C12orf42: variants seen among roughly 807,000 people sequenced by gnomAD.
C12orf42 encodes the protein chromosome 12 open reading frame 42.
C12orf42 carries 25 observed loss-of-function variants against 21.6 expected under a neutral mutation model. That is an observed-to-expected ratio of 1.16 (90% CI 0.84 to 1.62). The LOEUF (loss-of-function observed/expected upper bound fraction) is 1.62, where lower values mean the gene tolerates loss of function less well. Among genes scored for constraint, C12orf42 ranks in the 40% most tolerant of loss-of-function variants. The probability of loss-of-function intolerance (pLI) is 0.00; values close to 1 mark genes in which losing one functional copy is unlikely to be tolerated. For missense variants in C12orf42, 483 were observed against 459.3 expected (o/e 1.05, Z -0.47); for synonymous variants, 174 against 175.0 (o/e 0.99, Z 0.05).
chr12:103,357,395 C>T (rs11111537), intron 4 of C12orf42, among the ~76,000 whole-genome samples: 52,203 of 151,774 alleles, frequency 0.34, 9,575 homozygotes, highest in East Asian at 0.47. Context: ...GGGGAGGTTT[C>T]TTAATGCAAA....
intron 3 of C12orf42, among the ~76,000 whole-genome samples, chr12:103,370,844 A>G (rs1189596921): frequency 6.6e-6 from 1 of 152,154 alleles, no homozygotes; most frequent in Non-Finnish European, 1.5e-5. Flanking sequence ...ACAGTTCACC[A>G]TATAACAAAC....
At position 103,306,080 on chromosome 12, in the gene C12orf42, G is replaced by C; in HGVS notation, c.525C>G (p.Asn175Lys). Reference sequence around the variant, plus strand: ...GAACAGGATTTACTGAGTGTGCCCAGTTAGGCTTTTTAACCAGTTGTTCCA... The same window carrying C: ...GAACAGGATTTACTGAGTGTGCCCACTTAGGCTTTTTAACCAGTTGTTCCA... The part of the protein sequence containing the change: ...SFLEQLVKKP[N>K]WAHSVNPVHL... The change falls in exon 5 of 6, where the codon AAC (asparagine) becomes AAG (lysine). Residue 175 changes from asparagine (N) to lysine (K), a missense_variant. Physicochemically the swap from Asn to Lys is moderately conservative, Grantham distance 94 (BLOSUM62 0). Coordinates refer to ENST00000548883, the MANE Select transcript of C12orf42 (RefSeq NM_198521.5). 51 of 1,614,004 alleles carry C rather than the reference G, an allele frequency of 3.2e-5. No homozygotes were observed. The highest frequency in any genetic ancestry group is 4.2e-5 in the Non-Finnish European group (50 of 1,179,864).
At chr12:103,124,173 T>C in the C12orf42 span, among the ~76,000 whole-genome samples, 3 of 146,370 alleles carry the variant, frequency 2.0e-5, no homozygotes, top group Admixed American at 2.0e-4. Context: ...TTTTTTTTTT[T>C]TTTTTTTTTT....
intron 4 of C12orf42, among the ~76,000 whole-genome samples, chr12:103,339,865 A>G (rs1317913921): frequency 6.6e-6 from 1 of 152,224 alleles, no homozygotes; most frequent in Non-Finnish European, 1.5e-5. Flanking sequence ...CAAATAATTC[A>G]CTTGGAATTT....
intron 3 of C12orf42, among the ~76,000 whole-genome samples, chr12:103,379,480 T>C (rs563434692): frequency 7.4e-4 from 112 of 152,282 alleles, no homozygotes; most frequent in Non-Finnish European, 1.5e-3. Context: ...GGAGGAAATG[T>C]AAAATAGATC....
the C12orf42 span, among the ~76,000 whole-genome samples, chr12:103,062,550 AATC>A: frequency 8.7e-4 from 132 of 152,200 alleles, no homozygotes; most frequent in African/African-American, 3.1e-3. Context: ...GTGCAAAACT[AATC>A]ATGATTTTGG....
chr12:103,348,294 A>G (rs2042810022), intron 4 of C12orf42, among the ~76,000 whole-genome samples: 1 of 152,180 alleles, frequency 6.6e-6, no homozygotes, highest in Non-Finnish European at 1.5e-5. Context: ...CTGGAGTTGT[A>G]AACTTTCTTA....
intron 3 of C12orf42, among the ~76,000 whole-genome samples, chr12:103,399,281 A>G (rs990203767): frequency 5.3e-5 from 8 of 151,824 alleles, no homozygotes; most frequent in Non-Finnish European, 1.2e-4. Context: ...AGTAGACGTA[A>G]TAATAGTAGT....
intron 2 of C12orf42, among the ~76,000 whole-genome samples, chr12:103,416,579 TTG>T (rs2049354662): frequency 6.6e-6 from 1 of 151,418 alleles, no homozygotes; most frequent in African/African-American, 2.4e-5. Context: ...CCAAAAAGGA[TTG>T]TGTTTATTCA....
Position 103,254,051 on chromosome 12 carries a change from C to T in C12orf42, c.*1366+9275G>A, listed in dbSNP as rs1349245966. On this transcript the variant is annotated intron_variant and NMD_transcript_variant, in intron 10 of 10. Transcript: ENST00000547347. ...GTGATTTTGTCATGAATTATTTGCC[C>T]ATGCGTATGTCCTGAATGGTATTCC... 2.0e-5 allele frequency among the ~76,000 whole-genome samples: 3 copies of T among 152,246 alleles called. No individual in the cohort carries two copies. In the East Asian group the frequency reaches 5.8e-4, roughly 29 times the overall value.
the C12orf42 span, among the ~76,000 whole-genome samples, chr12:103,208,085 C>T: frequency 6.6e-6 from 1 of 152,210 alleles, no homozygotes; most frequent in Non-Finnish European, 1.5e-5. Flanking sequence ...CCCACAAATC[C>T]TCCAGGATTT....
intron 4 of C12orf42, among the ~76,000 whole-genome samples, chr12:103,334,845 G>A (rs1039079243): frequency 1.3e-5 from 2 of 152,188 alleles, no homozygotes; most frequent in Non-Finnish European, 2.9e-5. Flanking sequence ...AAAAATGTCC[G>A]CTTCATTGCC....
intron 2 of C12orf42, among the ~76,000 whole-genome samples, chr12:103,457,907 T>C (rs548110838): frequency 2.0e-5 from 3 of 152,296 alleles, no homozygotes; most frequent in African/African-American, 7.2e-5. Flanking sequence ...TGTTATTTCA[T>C]ATAAGACCTG....
chr12:103,252,898 T>C (rs1470646857), intron 10 of C12orf42, among the ~76,000 whole-genome samples: 1 of 152,214 alleles, frequency 6.6e-6, no homozygotes, highest in African/African-American at 2.4e-5. Flanking sequence ...TCCTGAATAG[T>C]ATTACCTAGG....
the C12orf42 span, among the ~76,000 whole-genome samples, chr12:103,098,233 G>T: frequency 1.3e-5 from 2 of 152,210 alleles, no homozygotes; most frequent in Admixed American, 1.3e-4. Flanking sequence ...CCTGAAAGGA[G>T]AATCACACCT....
the C12orf42 span, among the ~76,000 whole-genome samples, chr12:103,186,618 G>A: frequency 6.6e-6 from 1 of 151,974 alleles, no homozygotes; most frequent in Admixed American, 6.6e-5. Context: ...TGGCTACTAT[G>A]GATGTGATTG....
intron 4 of C12orf42, among the ~76,000 whole-genome samples, chr12:103,307,853 G>T (rs1330459375): frequency 6.6e-6 from 1 of 152,142 alleles, no homozygotes; most frequent in African/African-American, 2.4e-5. Context: ...GGGGTGCTGT[G>T]AAAGGGATGA....
chr12:103,465,651 T>C (rs1276455027), intron 2 of C12orf42, among the ~76,000 whole-genome samples: 2 of 152,184 alleles, frequency 1.3e-5, no homozygotes, highest in African/African-American at 2.4e-5. Flanking sequence ...ACGAGAGTGG[T>C]GAGAGAGGGC....
At chr12:103,291,944 T>G (rs1357642574) in intron 4 of C12orf42, among the ~76,000 whole-genome samples, 2 of 152,146 alleles carry the variant, frequency 1.3e-5, no homozygotes, top group Non-Finnish European at 2.9e-5. Flanking sequence ...GCAAAACATA[T>G]GTACACACAA....
Sources: allele counts gnomAD v4.1 joint callset (sites outside exome capture counted in the v4.1 genomes callset), GRCh38; gene constraint gnomAD v4.1.1; transcripts MANE v1.5; gene names NCBI Gene and HGNC (gene_info 2026-07-23, HGNC 2026-07-21).